Variants in MTAP observed in about 807,000 individuals in gnomAD.
MTAP encodes S-methyl-5'-thioadenosine phosphorylase.
Under a neutral mutation model 33.6 loss-of-function variants are expected in MTAP, and 33 were observed. The observed-to-expected ratio is 0.98, with a 90% CI of 0.74 to 1.31. The LOEUF (loss-of-function observed/expected upper bound fraction) is 1.31. Among genes scored for constraint, MTAP ranks in the 40% most tolerant of loss-of-function variants. MTAP has a pLI of 0.00. For synonymous variants in MTAP, 148 were observed against 125.7 expected, an observed-to-expected ratio of 1.18 and a Z score of -1.19; for missense variants, 367 against 360.0, an observed-to-expected ratio of 1.02 and a Z score of -0.16.
At chr9:21,856,358 T>G (rs1339214568) in intron 6 of MTAP, 1 of 176,460 alleles carries the variant, frequency 5.7e-6, no homozygotes, top group East Asian at 1.9e-4. Flanking sequence ...TTATGATGAC[T>G]CTTCAGTGTA....
chr9:21,870,050 G>A (rs1325760294), downstream of MTAP, among the ~76,000 whole-genome samples: 1 of 152,090 alleles, frequency 6.6e-6, no homozygotes, highest in Admixed American at 6.5e-5. Context: ...TAGAGTATTT[G>A]GTTTGTGTTC....
chr9:21,859,543 A>G (rs1037519876), intron 7 of MTAP, 118 bp downstream of exon 7: 1 of 1,228,704 alleles, frequency 8.1e-7, no homozygotes, highest in African/African-American at 1.5e-5. Flanking sequence ...GTTTTCAACA[A>G]GTTTTTGTGA....
intron 1 of MTAP, among the ~76,000 whole-genome samples, chr9:21,917,893 G>A (rs996089860): frequency 3.9e-5 from 6 of 152,158 alleles, no homozygotes; most frequent in African/African-American, 1.2e-4. Context: ...TATATGCCAT[G>A]GAATACTACT....
chr9:21,821,319 G>C (rs1364525587), intron 4 of MTAP, among the ~76,000 whole-genome samples: 1 of 152,180 alleles, frequency 6.6e-6, no homozygotes, highest in Non-Finnish European at 1.5e-5. Flanking sequence ...AACTTATTGA[G>C]AGTTTTTAGC....
intron 7 of MTAP, 78 bp downstream of exon 7, chr9:21,859,503 G>C: frequency 6.8e-7 from 1 of 1,472,776 alleles, no homozygotes; most frequent in South Asian, 1.4e-5. Flanking sequence ...TTTCACCTTT[G>C]GTCCTCATGT....
intron 1 of MTAP, among the ~76,000 whole-genome samples, chr9:21,926,720 G>C (rs79996073): frequency 6.6e-6 from 1 of 152,158 alleles, no homozygotes; most frequent in African/African-American, 2.4e-5. Flanking sequence ...CAGATGACCT[G>C]TTAATCTGCT....
chr9:21,803,040 CCTTTTGGCTTATCTG>C (rs1824105025), intron 1 of MTAP: 1 of 529,172 alleles, frequency 1.9e-6, no homozygotes, highest in South Asian at 5.7e-5. Flanking sequence ...ACACACACCA[CCTTTTGGCTTATCTG>C]CACCCGCACC....
rs1211327933 is a variant in MTAP at position 21,864,325 on chromosome 9, A to G, written c.*2311A>G. On this transcript the variant is annotated 3_prime_UTR_variant, in exon 8 of 8. Coordinates refer to ENST00000644715, the MANE Select transcript of MTAP (RefSeq NM_002451.4). ...ATTGTTGAAGAACACTTCCTGGAAC[A>G]CTTCTCACTTGTGATGCTGTACTAA... 3 of 984,774 alleles carry G rather than the reference A, an allele frequency of 3.0e-6. No homozygotes were observed. The highest frequency in any genetic ancestry group is 3.6e-6 in the Non-Finnish European group (3 of 829,828). The allele number at this position is 984,774 out of a possible 1,614,324, so 61.0% of individuals were successfully genotyped here.
intron 4 of MTAP, among the ~76,000 whole-genome samples, chr9:21,828,695 T>C (rs1460595509): frequency 6.6e-6 from 1 of 152,144 alleles, no homozygotes; most frequent in Non-Finnish European, 1.5e-5. Flanking sequence ...GAAGGATCCC[T>C]AAGAGAATAT....
chr9:21,853,667 A>C (rs1825567896), intron 5 of MTAP, among the ~76,000 whole-genome samples: 1 of 152,202 alleles, frequency 6.6e-6, no homozygotes, highest in African/African-American at 2.4e-5. Context: ...AGTATTAATG[A>C]TTGTTAGAAG....
intron 3 of MTAP, among the ~76,000 whole-genome samples, chr9:21,817,505 G>A (rs978543555): frequency 6.6e-6 from 1 of 152,040 alleles, no homozygotes; most frequent in Admixed American, 6.5e-5. Flanking sequence ...AAGTTACAGG[G>A]CGGAGGCCTT....
chr9:21,928,262 G>A (rs892837174), intron 1 of MTAP, among the ~76,000 whole-genome samples: 11 of 152,180 alleles, frequency 7.2e-5, no homozygotes, highest in South Asian at 2.1e-4. Flanking sequence ...GGGTAAATTT[G>A]TAAATGGGTG....
intron 1 of MTAP, among the ~76,000 whole-genome samples, chr9:21,809,617 C>T (rs1207358705): frequency 2.7e-5 from 4 of 147,796 alleles, no homozygotes; most frequent in South Asian, 2.1e-4. Flanking sequence ...CCAGCCTGGG[C>T]GACAGAGTGA....
intron 1 of MTAP, 99 bp downstream of exon 1, chr9:21,802,880 G>C (rs746259971): frequency 1.1e-5 from 16 of 1,521,454 alleles, no homozygotes; most frequent in South Asian, 5.0e-5. Flanking sequence ...CGCCCGGCCC[G>C]TGCGTCCCTT....
intron 1 of MTAP, among the ~76,000 whole-genome samples, chr9:21,915,000 T>TTTCTTTCCTTCCTTCCTTCC (rs1818653525): frequency 6.4e-4 from 54 of 83,734 alleles, no homozygotes; most frequent in African/African-American, 2.5e-3. Flanking sequence ...CTTTGTTTTC[T>TTTCTTTCCTTCCTTCCTTCC]TTCCTTCCTT....
chr9:21,870,835 A>G (rs1825924908), downstream of MTAP, among the ~76,000 whole-genome samples: 1 of 142,354 alleles, frequency 7.0e-6, no homozygotes, highest in African/African-American at 2.7e-5. Flanking sequence ...GTGCAGTGGC[A>G]TGATCTCGGC....
At chr9:21,917,588 G>A (rs113223443) in intron 1 of MTAP, among the ~76,000 whole-genome samples, 3,232 of 152,212 alleles carry the variant, frequency 0.021, 122 homozygotes, top group African/African-American at 0.071. Context: ...AAGTCAAAAA[G>A]CAATAGATGT....
chr9:21,832,725 T>TA (rs1179663333), intron 4 of MTAP, among the ~76,000 whole-genome samples: 1 of 152,212 alleles, frequency 6.6e-6, no homozygotes, highest in Non-Finnish European at 1.5e-5. Context: ...ATCCTTTTAT[T>TA]AAAAATCCTA....
At chr9:21,836,962 C>T (rs1050272926) in intron 4 of MTAP, among the ~76,000 whole-genome samples, 7 of 152,168 alleles carry the variant, frequency 4.6e-5, no homozygotes, top group Admixed American at 1.3e-4. Context: ...ATCTACCTGC[C>T]CCTGTTGGCT....
Sources: gnomAD v4.1 joint callset for allele counts (sites outside exome capture counted in the v4.1 genomes callset) on GRCh38, gnomAD v4.1.1 for gene constraint, MANE v1.5 for transcripts, NCBI Gene and HGNC (gene_info 2026-07-23, HGNC 2026-07-21) for gene names.